MTUS2: variants seen among roughly 807,000 people sequenced by gnomAD.
MTUS2 encodes microtubule-associated tumor suppressor candidate 2.
In MTUS2, 40 loss-of-function variants were observed where a neutral mutation model predicts 114.1. The ratio of observed to expected loss-of-function variants is 0.35; its 90% CI spans 0.27 to 0.46. The LOEUF (loss-of-function observed/expected upper bound fraction) is 0.46, where lower values mean the gene tolerates loss of function less well. Among genes scored for constraint, MTUS2 ranks in the 20% least tolerant of loss-of-function variants. The pLI is 1.00. For missense variants in MTUS2, 1,679 were observed against 1,705.4 expected, an observed-to-expected ratio of 0.98 and a Z score of 0.27; for synonymous variants, 688 against 672.0, an observed-to-expected ratio of 1.02 and a Z score of -0.37.
chr13:29,341,980 C>T (rs574535825), intron 7 of MTUS2, among the ~76,000 whole-genome samples: 18 of 151,882 alleles, frequency 1.2e-4, no homozygotes, highest in African/African-American at 3.4e-4. Flanking sequence ...CTTTATTTCT[C>T]GGTTCTATAT....
intron 2 of MTUS2, among the ~76,000 whole-genome samples, chr13:29,006,421 T>C (rs1400013547): frequency 1.3e-5 from 2 of 152,212 alleles, no homozygotes; most frequent in South Asian, 4.1e-4. Context: ...GTAACCCCCC[T>C]ATGGAATAAG....
chr13:29,038,891 A>G (rs959463200), intron 4 of MTUS2, among the ~76,000 whole-genome samples: 1 of 152,160 alleles, frequency 6.6e-6, no homozygotes, highest in Non-Finnish European at 1.5e-5. Context: ...CTCCCTCACC[A>G]AGCTCGACCA....
At position 28,957,126 on chromosome 13, in the gene MTUS2, G is replaced by A. The variant is rs145126422; in HGVS notation, c.-242-67331G>A. Among the ~76,000 whole-genome samples, 272 of 152,312 alleles carry A rather than the reference G, an allele frequency of 1.8e-3. 1 individual carries two copies. Among genetic ancestry groups the A allele is most frequent in the African/African-American group, 5.9e-3 (247 of 41,564 alleles). On this transcript the variant is annotated intron_variant, in intron 2 of 15. Transcript: ENST00000612955. ...TCACAGTGTACAAAGAGCTCTGGAC[G>A]TGGAGATAATGGTTGGATTCTCACT...
intron 2 of MTUS2, among the ~76,000 whole-genome samples, chr13:28,937,119 A>G (rs1291730891): frequency 2.0e-5 from 3 of 151,480 alleles, no homozygotes; most frequent in Admixed American, 6.5e-5. Flanking sequence ...GGTGAAGCCA[A>G]CTGGACTTCC....
At chr13:29,284,375 A>G (rs1898392122) in intron 6 of MTUS2, among the ~76,000 whole-genome samples, 1 of 149,470 alleles carries the variant, frequency 6.7e-6, no homozygotes, top group South Asian at 2.2e-4. Flanking sequence ...ATATTAAGAA[A>G]AAGCAATAGA....
intron 6 of MTUS2, among the ~76,000 whole-genome samples, chr13:29,284,025 T>C (rs1898377335): frequency 6.6e-6 from 1 of 152,194 alleles, no homozygotes; most frequent in Non-Finnish European, 1.5e-5. Flanking sequence ...AAATCATACA[T>C]GCATTTATTC....
rs148523586 is a variant in MTUS2, at chr13:29,075,717, AT to A, written c.2447-25051del. On this transcript the variant is annotated intron_variant, in intron 4 of 15. Transcript: ENST00000612955. ...CCAGTCATTTAAGACACTGCCTTAG[AT>A]TTTTCTGGTCTTAACCCAAGGATTT... 4.1e-3 allele frequency among the ~76,000 whole-genome samples: 619 copies of A among 152,170 alleles called. 6 individuals carry two copies. Among genetic ancestry groups the A allele is most frequent in the African/African-American group, 0.014 (563 of 41,520 alleles).
At chr13:29,354,388 A>G (rs928177908) in intron 7 of MTUS2, among the ~76,000 whole-genome samples, 1 of 152,138 alleles carries the variant, frequency 6.6e-6, no homozygotes, top group Non-Finnish European at 1.5e-5. Context: ...CCCTTGGAGA[A>G]AAAAGGGATT....
At chr13:29,357,175 G>C (rs1022934205) in intron 7 of MTUS2, among the ~76,000 whole-genome samples, 2 of 100,328 alleles carry the variant, frequency 2.0e-5, no homozygotes, top group East Asian at 2.7e-4. Context: ...TTTCTAACAT[G>C]ATGATGATGA....
At chr13:28,899,656 C>T (rs909350908) in intron 2 of MTUS2, among the ~76,000 whole-genome samples, 37 of 152,038 alleles carry the variant, frequency 2.4e-4, no homozygotes, top group African/African-American at 5.3e-4. Flanking sequence ...GTGATCTGCC[C>T]GTCTCGGCCT....
intron 2 of MTUS2, among the ~76,000 whole-genome samples, chr13:28,935,389 G>C (rs2138107486): frequency 6.6e-6 from 1 of 152,148 alleles, no homozygotes; most frequent in Non-Finnish European, 1.5e-5. Context: ...CAAAGTTTTT[G>C]CAAGTGGTTG....
rs187401192 is a variant in MTUS2 at position 29,392,050 on chromosome 13, C to G, written c.3117+32577C>G. ...GGCTGAGGCAGGAGAATCACTTGAA[C>G]CCAGGAGGTGGAGGTTGCAGTGAGC... On this transcript the variant is annotated intron_variant, in intron 8 of 15. Coordinates refer to ENST00000612955, the MANE Select transcript of MTUS2 (RefSeq NM_001033602.4). 4.2e-3 allele frequency among the ~76,000 whole-genome samples: 628 copies of G among 150,466 alleles called. 2 individuals carry two copies. Among genetic ancestry groups the G allele is most frequent in the African/African-American group, 0.014 (577 of 40,774 alleles).
At chr13:29,375,850 C>T (rs4290335) in intron 8 of MTUS2, among the ~76,000 whole-genome samples, 78,023 of 149,686 alleles carry the variant, frequency 0.52, 21,235 homozygotes, top group African/African-American at 0.68. Flanking sequence ...GTGGAGAGCG[C>T]GGGAAAGGCA....
At chr13:28,997,589 A>G (rs1437142370) in intron 2 of MTUS2, among the ~76,000 whole-genome samples, 2 of 152,110 alleles carry the variant, frequency 1.3e-5, no homozygotes, top group Non-Finnish European at 1.5e-5. Context: ...TTGGGTGCAT[A>G]TATATTTAGG....
chr13:29,047,420 A>G (rs1450370986), intron 4 of MTUS2, among the ~76,000 whole-genome samples: 1 of 152,184 alleles, frequency 6.6e-6, no homozygotes, highest in Non-Finnish European at 1.5e-5. Context: ...AATGCCAGCC[A>G]AATATCCCCA....
intron 1 of MTUS2, among the ~76,000 whole-genome samples, chr13:28,822,112 T>A (rs547228458): frequency 6.6e-6 from 1 of 152,328 alleles, no homozygotes; most frequent in South Asian, 2.1e-4. Context: ...TATAAACTAG[T>A]AAATTAAGTG....
intron 5 of MTUS2, among the ~76,000 whole-genome samples, chr13:29,169,629 A>G (rs1893469114): frequency 6.6e-6 from 1 of 152,218 alleles, no homozygotes; most frequent in Admixed American, 6.5e-5. Flanking sequence ...ATATAAATAG[A>G]ATGCCATACT....
chr13:29,133,884 C>G (rs978348755), intron 5 of MTUS2, among the ~76,000 whole-genome samples: 1 of 152,150 alleles, frequency 6.6e-6, no homozygotes, highest in Admixed American at 6.5e-5. Flanking sequence ...TTATTTCCTT[C>G]CTGTACTCTG....
chr13:28,987,948 G>A (rs1884663183), intron 2 of MTUS2, among the ~76,000 whole-genome samples: 1 of 152,220 alleles, frequency 6.6e-6, no homozygotes, highest in African/African-American at 2.4e-5. Context: ...TAGGGGAATA[G>A]ATCCTGCATT....
Sources: gnomAD v4.1 joint callset for allele counts (sites outside exome capture counted in the v4.1 genomes callset) on GRCh38, gnomAD v4.1.1 for gene constraint, MANE v1.5 for transcripts, NCBI Gene and HGNC (gene_info 2026-07-23, HGNC 2026-07-21) for gene names.